The following USP26 variants were observed in gnomAD, a reference collection of about 807,000 sequenced individuals.
USP26 encodes ubiquitin carboxyl-terminal hydrolase 26.
For missense variants in USP26, 649 were observed against 642.3 expected (o/e 1.01, Z -0.11); for synonymous variants, 236 against 240.6 (o/e 0.98, Z 0.18).
In USP26 at chrX:133,026,530, T is replaced by C. The variant is rs757556874; in HGVS notation, c.1691A>G (p.Asp564Gly). ...GTRPPLPLSE[D>G]GEITDFQLLK... is the part of the protein sequence containing the mutation. ...TAATTGGAAATCTGTAATTTCTCCA[T>C]CCTCACTCAAGGGAAGAGGTGGTCT... The change falls in exon 6 of 6, where the codon GAT becomes GGT. Residue 564 changes from aspartate to glycine, a missense_variant. Asp to Gly is a moderately conservative substitution (Grantham distance 94). Coordinates refer to ENST00000511190, the MANE Select transcript of USP26 (RefSeq NM_031907.3). 6.0e-5 allele frequency: 73 copies of C among 1,209,976 alleles called. No individual in the cohort carries two copies. Among genetic ancestry groups the C allele is most frequent in the Non-Finnish European group, 8.0e-5 (72 of 894,973 alleles).
At chrX:133,030,717 C>T (rs1216221327) in intron 5 of USP26, among the ~76,000 whole-genome samples, 1 of 112,117 alleles carries the variant, frequency 8.9e-6, no homozygotes. Context: ...AAGACAAATC[C>T]GTATATACCT....
chrX:133,089,699 G>A (rs2067600826), intron 4 of USP26, among the ~76,000 whole-genome samples: 1 of 112,255 alleles, frequency 8.9e-6, no homozygotes, highest in Non-Finnish European at 1.9e-5. Context: ...ATTCATGAGT[G>A]CCTATTGTGT....
intron 5 of USP26, among the ~76,000 whole-genome samples, chrX:133,059,610 T>G (rs933043594): frequency 1.4e-4 from 15 of 109,591 alleles, no homozygotes; most frequent in Non-Finnish European, 2.3e-4. Context: ...ATTTGGAGGC[T>G]CCCTGGGATC....
chrX:133,089,258 G>A (rs1226826351), intron 4 of USP26, among the ~76,000 whole-genome samples: 1 of 111,797 alleles, frequency 8.9e-6, no homozygotes, highest in Admixed American at 9.5e-5. Flanking sequence ...TCTTAGGATA[G>A]TGCATATTTA....
chrX:133,057,844 T>TTTTATATATATATA (rs1556524247), intron 5 of USP26, among the ~76,000 whole-genome samples: 1 of 30,659 alleles, frequency 3.3e-5, no homozygotes, highest in African/African-American at 2.7e-4. Context: ...ATACTTTACA[T>TTTTATATATATATA]TATATATATA....
intron 5 of USP26, among the ~76,000 whole-genome samples, chrX:133,073,669 A>T (rs1193704317): frequency 9.0e-6 from 1 of 110,945 alleles, no homozygotes; most frequent in African/African-American, 3.3e-5. Flanking sequence ...TAATACCTCA[A>T]CCCTAACCCC....
intron 5 of USP26, among the ~76,000 whole-genome samples, chrX:133,076,479 T>C (rs2067549093): frequency 9.0e-6 from 1 of 111,568 alleles, no homozygotes; most frequent in Non-Finnish European, 1.9e-5. Context: ...ACAGTCCTTA[T>C]GTTCTGGTAT....
At chrX:133,044,660 G>C (rs1302676830) in intron 5 of USP26, among the ~76,000 whole-genome samples, 1 of 113,203 alleles carries the variant, frequency 8.8e-6, no homozygotes, top group Non-Finnish European at 1.9e-5. Context: ...AGCCTCCCCT[G>C]CTCCCCACCG....
At chrX:133,047,370 C>T (rs888220924) in intron 5 of USP26, among the ~76,000 whole-genome samples, 1 of 112,085 alleles carries the variant, frequency 8.9e-6, no homozygotes, top group African/African-American at 3.2e-5. Flanking sequence ...ACCTGAAGTA[C>T]TTGGAGAGCA....
chrX:133,075,327 C>A (rs1208856805), intron 5 of USP26, among the ~76,000 whole-genome samples: 3 of 112,413 alleles, frequency 2.7e-5, no homozygotes, highest in African/African-American at 6.5e-5. Context: ...GGGAAAATTT[C>A]TTTCTTTGCC....
At chrX:133,082,956 A>C (rs1050576279) in intron 5 of USP26, among the ~76,000 whole-genome samples, 42 of 112,122 alleles carry the variant, frequency 3.7e-4, no homozygotes, top group African/African-American at 1.3e-3. Flanking sequence ...GGTAGCAAGA[A>C]GGGAGAAAAA....
At chrX:133,088,379 C>T (rs956777693) in intron 4 of USP26, among the ~76,000 whole-genome samples, 3 of 111,381 alleles carry the variant, frequency 2.7e-5, no homozygotes, top group Non-Finnish European at 5.6e-5. Context: ...CAACCTAGAT[C>T]CCTTGCATGT....
At chrX:133,038,436 T>C (rs2067404474) in intron 5 of USP26, among the ~76,000 whole-genome samples, 1 of 112,119 alleles carries the variant, frequency 8.9e-6, no homozygotes, top group Admixed American at 9.5e-5. Context: ...GTGGTTTTTG[T>C]CATTGGTTCT....
Position 133,026,861 on chromosome X carries a change from C to A in USP26, c.1360G>T (p.Val454Phe). 8.3e-7 allele frequency: 1 copy of A among 1,211,068 alleles called. No homozygotes were observed. The highest frequency in any genetic ancestry group is 1.1e-6 in the Non-Finnish European group (1 of 895,139). ...TTATTCAGTTCTGTCTTGAGAATAACCTGACCACAAGCTTTACAAGCAATG... is the reference window on the plus strand; with the variant it reads ...TTATTCAGTTCTGTCTTGAGAATAAACTGACCACAAGCTTTACAAGCAATG... ...HSIACKACGQVILKTELNNYL... is the reference protein window; with the variant it reads ...HSIACKACGQFILKTELNNYL... The change falls in exon 6 of 6, where the codon GTT (valine) becomes TTT (phenylalanine). Residue 454 changes from valine to phenylalanine, a missense_variant. Coordinates refer to ENST00000511190, the MANE Select transcript of USP26 (RefSeq NM_031907.3).
At chrX:133,080,980 A>G (rs2067568102) in intron 5 of USP26, among the ~76,000 whole-genome samples, 1 of 111,145 alleles carries the variant, frequency 9.0e-6, no homozygotes, top group Non-Finnish European at 1.9e-5. Flanking sequence ...AGACGGTGAT[A>G]CCCTTACAAA....
chrX:133,088,801 C>A (rs1328809348), intron 4 of USP26, among the ~76,000 whole-genome samples: 1 of 111,920 alleles, frequency 8.9e-6, no homozygotes, highest in African/African-American at 3.2e-5. Flanking sequence ...GTGGGTAGAA[C>A]AAGTGTGTGC....
At chrX:133,049,861 T>G (rs12690153) in intron 5 of USP26, among the ~76,000 whole-genome samples, 1 of 112,166 alleles carries the variant, frequency 8.9e-6, no homozygotes, top group South Asian at 3.7e-4. Flanking sequence ...TGATGTCTAC[T>G]TCAGGCAGCA....
chrX:133,040,913 A>T (rs923007636), intron 5 of USP26, among the ~76,000 whole-genome samples: 3 of 109,368 alleles, frequency 2.7e-5, no homozygotes, highest in African/African-American at 6.7e-5. Context: ...TTTTCTCTAA[A>T]CTTGTCTTCA....
Position 133,025,810 on chromosome X carries a change from T to C in USP26, c.2411A>G (p.Asp804Gly), listed in dbSNP as rs1211144280. 2.3e-5 allele frequency: 28 copies of C among 1,211,200 alleles called. No homozygotes were observed. Among genetic ancestry groups the C allele is most frequent in the Non-Finnish European group, 3.1e-5 (28 of 895,055 alleles). ...NKNPRNKDIL[D>G]KIKSKAKETK... is the part of the protein sequence containing the mutation. ...TTCCTTGGCTTTAGATTTTATCTTA[T>C]CTAAAATGTCTTTGTTTCTTGGATT... The change falls in exon 6 of 6, where the codon GAT becomes GGT. Residue 804 changes from aspartate (D) to glycine (G), a missense_variant. Physicochemically the swap from Asp to Gly is moderately conservative, Grantham distance 94. Transcript: ENST00000511190.
Sources: gnomAD v4.1 joint callset for allele counts (sites outside exome capture counted in the v4.1 genomes callset) on GRCh38, gnomAD v4.1.1 for gene constraint, MANE v1.5 for transcripts, NCBI Gene and HGNC (gene_info 2026-07-23, HGNC 2026-07-21) for gene names.